Variants in VKORC1L1 observed in about 807,000 individuals in gnomAD.
VKORC1L1 encodes vitamin K epoxide reductase complex subunit 1-like protein 1.
Under a neutral mutation model 18.9 loss-of-function variants are expected in VKORC1L1, and 2 were observed. The observed-to-expected ratio is 0.11, with a 90% confidence interval of 0.04 to 0.33. The LOEUF (loss-of-function observed/expected upper bound fraction) is 0.33, where lower values mean the gene tolerates loss of function less well. Ranked by LOEUF, VKORC1L1 falls within the 10% of genes least tolerant of loss-of-function variation. The probability of loss-of-function intolerance (pLI) is 1.00; values close to 1 mark genes in which losing one functional copy is unlikely to be tolerated. For missense variants in VKORC1L1, 123 were observed against 224.1 expected, an observed-to-expected ratio of 0.55 and a Z score of 2.88; for synonymous variants, 96 against 100.0, an observed-to-expected ratio of 0.96 and a Z score of 0.24.
chr7:65,948,651 TG>T lies in VKORC1L1; in HGVS notation c.195-18del, dbSNP rs1273771223. ...TAGGGAAATTCAAATATAGGGTTAC[TG>T]GTTTTCCTTATTTTACAGATGGGGT... is the stretch of plus-strand genomic sequence containing the variant. On this transcript the variant is annotated intron_variant, in intron 1 of 2. Transcript: ENST00000360768. The T allele has an allele frequency of 1.1e-6, 1 of 875,432 alleles. No individual in the cohort carries two copies. 54.2% of individuals were successfully genotyped at this position (875,432 alleles called of 1,614,324 possible). A position where few individuals can be genotyped will look rare whatever the true frequency, so the allele number is the denominator to read the frequency against.
chr7:65,940,022 T>G (rs1369562086), intron 1 of VKORC1L1, among the ~76,000 whole-genome samples: 1 of 151,894 alleles, frequency 6.6e-6, no homozygotes, highest in Non-Finnish European at 1.5e-5. Flanking sequence ...TTGTCTTTTT[T>G]TTTTTAGTTT....
chr7:65,904,643 G>A (rs771511174), intron 1 of VKORC1L1, among the ~76,000 whole-genome samples: 1 of 152,148 alleles, frequency 6.6e-6, no homozygotes, highest in South Asian at 2.1e-4. Flanking sequence ...TAAACTGATA[G>A]TGGAAATAAA....
chr7:65,946,363 G>C (rs2115727345), intron 1 of VKORC1L1, among the ~76,000 whole-genome samples: 1 of 152,246 alleles, frequency 6.6e-6, no homozygotes, highest in East Asian at 1.9e-4. Flanking sequence ...CATCAAGCTA[G>C]AGGAGCTTGC....
chr7:65,873,243 G>T lies in VKORC1L1; in HGVS notation c.-129G>T, dbSNP rs1224710884. 5 of 970,100 alleles carry T rather than the reference G, an allele frequency of 5.2e-6. No homozygotes were observed. The East Asian group carries it at 3.3e-4, about 65-fold the overall frequency. 60.1% of individuals were successfully genotyped at this position (970,100 alleles called of 1,614,324 possible). On this transcript the variant is annotated 5_prime_UTR_variant, in exon 1 of 3. Coordinates refer to ENST00000360768, the MANE Select transcript of VKORC1L1 (RefSeq NM_173517.6). Reference sequence around the variant, plus strand: ...GGCCACCGAGCCAATGGGGCGCGGCGGCGGCGGCGGCGGTGGTGGCGGCGG... The same window carrying T: ...GGCCACCGAGCCAATGGGGCGCGGCTGCGGCGGCGGCGGTGGTGGCGGCGG...
At chr7:65,952,722 AATT>A (rs1418581872) in intron 2 of VKORC1L1, among the ~76,000 whole-genome samples, 1 of 151,720 alleles carries the variant, frequency 6.6e-6, no homozygotes, top group Non-Finnish European at 1.5e-5. Flanking sequence ...GCCTATAAGA[AATT>A]AAAAACAATA....
chr7:65,910,001 C>T (rs1789477182), intron 1 of VKORC1L1, among the ~76,000 whole-genome samples: 1 of 152,188 alleles, frequency 6.6e-6, no homozygotes, highest in East Asian at 1.9e-4. Context: ...CAGGCATGAA[C>T]CACCGTGCCT....
At chr7:65,900,721 C>G (rs1789301243) in intron 1 of VKORC1L1, among the ~76,000 whole-genome samples, 1 of 152,164 alleles carries the variant, frequency 6.6e-6, no homozygotes, top group Non-Finnish European at 1.5e-5. Flanking sequence ...ATGAGAATCG[C>G]TTGAACCCCA....
intron 1 of VKORC1L1, among the ~76,000 whole-genome samples, chr7:65,905,754 T>G (rs113944111): frequency 6.6e-6 from 1 of 152,148 alleles, no homozygotes; most frequent in Middle Eastern, 3.2e-3. Flanking sequence ...CCACTACAGA[T>G]GTATGGAAGT....
intron 1 of VKORC1L1, among the ~76,000 whole-genome samples, chr7:65,895,483 ATATATATATATATATATAT>A (rs1789188929): frequency 7.3e-5 from 2 of 27,392 alleles, no homozygotes; most frequent in African/African-American, 3.5e-4. Flanking sequence ...AAAAAAAAAT[ATATATATATATATATATAT>A]ATATATATAT....
At chr7:65,935,531 G>A (rs939709205) in intron 1 of VKORC1L1, among the ~76,000 whole-genome samples, 4 of 151,834 alleles carry the variant, frequency 2.6e-5, no homozygotes, top group African/African-American at 7.3e-5. Context: ...GATGATCTTC[G>A]ATCTCCTGAC....
chr7:65,909,759 C>T (rs1034665058), intron 1 of VKORC1L1, among the ~76,000 whole-genome samples: 4 of 135,288 alleles, frequency 3.0e-5, no homozygotes, highest in African/African-American at 1.1e-4. Context: ...GCTCTGTCGC[C>T]CAGGCTGGAG....
At chr7:65,936,582 G>A (rs1053159561) in intron 1 of VKORC1L1, among the ~76,000 whole-genome samples, 2 of 152,198 alleles carry the variant, frequency 1.3e-5, no homozygotes, top group African/African-American at 4.8e-5. Context: ...TCTGCAATTT[G>A]AATGATGGTT....
chr7:65,948,620 T>G, intron 1 of VKORC1L1, 51 bp from the exon 2 acceptor site: 1 of 659,998 alleles, frequency 1.5e-6, no homozygotes, highest in Non-Finnish European at 2.4e-6. Context: ...GATACATTTT[T>G]TAAAATAGGG....
chr7:65,912,145 G>A (rs1467695745), intron 1 of VKORC1L1, among the ~76,000 whole-genome samples: 2 of 152,120 alleles, frequency 1.3e-5, no homozygotes, highest in African/African-American at 2.4e-5. Context: ...AAGAAATGCT[G>A]TAACTTTATA....
At chr7:65,893,030 T>C (rs1789133641) in intron 1 of VKORC1L1, among the ~76,000 whole-genome samples, 2 of 152,238 alleles carry the variant, frequency 1.3e-5, no homozygotes, top group African/African-American at 4.8e-5. Flanking sequence ...TGAAATGCAG[T>C]GTTGCAACAG....
At chr7:65,902,857 T>G (rs1789341930) in intron 1 of VKORC1L1, among the ~76,000 whole-genome samples, 1 of 151,676 alleles carries the variant, frequency 6.6e-6, no homozygotes, top group South Asian at 2.1e-4. Flanking sequence ...TTAATTTTAT[T>G]TATTTATTTA....
intron 1 of VKORC1L1, among the ~76,000 whole-genome samples, chr7:65,877,160 G>A (rs1357657796): frequency 1.3e-5 from 2 of 152,158 alleles, no homozygotes; most frequent in Non-Finnish European, 2.9e-5. Flanking sequence ...ACCATTGATT[G>A]GAGATGTTCT....
chr7:65,933,577 T>C (rs1789893183), intron 1 of VKORC1L1, among the ~76,000 whole-genome samples: 1 of 152,200 alleles, frequency 6.6e-6, no homozygotes, highest in Non-Finnish European at 1.5e-5. Context: ...CCTATGTTAT[T>C]ATATTTAAAG....
At chr7:65,903,093 C>T (rs542051925) in intron 1 of VKORC1L1, among the ~76,000 whole-genome samples, 89 of 151,642 alleles carry the variant, frequency 5.9e-4, no homozygotes, top group Non-Finnish European at 6.8e-4. Flanking sequence ...CTCGAACTCC[C>T]GACCTCAGGT....
Sources: allele counts gnomAD v4.1 joint callset (sites outside exome capture counted in the v4.1 genomes callset), GRCh38; gene constraint gnomAD v4.1.1; transcripts MANE v1.5; gene names NCBI Gene and HGNC (gene_info 2026-07-23, HGNC 2026-07-21).